PARD6G: variants seen among roughly 807,000 people sequenced by gnomAD.
PARD6G encodes the protein par-6 family cell polarity regulator gamma.
A neutral mutation model predicts 10.7 loss-of-function variants in PARD6G; 7 were observed. The observed-to-expected ratio is 0.66, with a 90% CI of 0.37 to 1.23. The LOEUF is 1.23. Among genes scored for constraint, PARD6G ranks in the 50% most tolerant of loss-of-function variants. The pLI is 0.02. For missense variants in PARD6G, 548 were observed against 571.8 expected, an observed-to-expected ratio of 0.96 and a Z score of 0.42; for synonymous variants, 287 against 269.4, an observed-to-expected ratio of 1.07 and a Z score of -0.64.
At chr18:80,160,709 G>A in intron 2 of PARD6G, 103 bp from the exon 3 acceptor site, 1 of 1,410,828 alleles carries the variant, frequency 7.1e-7, no homozygotes, top group Non-Finnish European at 9.2e-7. Flanking sequence ...TGACGCCGAA[G>A]CACCCAGGGT....
chr18:80,214,734 A>G (rs890157083), intron 1 of PARD6G, among the ~76,000 whole-genome samples: 4 of 152,182 alleles, frequency 2.6e-5, no homozygotes, highest in African/African-American at 9.6e-5. Context: ...GATACCATCA[A>G]ACAAATCTGG....
chr18:80,213,415 T>C (rs1967128180), intron 1 of PARD6G, among the ~76,000 whole-genome samples: 1 of 152,190 alleles, frequency 6.6e-6, no homozygotes, highest in African/African-American at 2.4e-5. Context: ...AGACTTGGAC[T>C]ACCAGAGTGT....
chr18:80,203,143 T>C (rs1001066567), intron 1 of PARD6G, among the ~76,000 whole-genome samples: 16 of 152,240 alleles, frequency 1.1e-4, no homozygotes, highest in African/African-American at 3.6e-4. Context: ...TAATACGATT[T>C]CTCTTCCTTT....
chr18:80,193,663 G>C (rs1434154425), intron 2 of PARD6G, among the ~76,000 whole-genome samples: 2 of 152,144 alleles, frequency 1.3e-5, no homozygotes, highest in Non-Finnish European at 2.9e-5. Context: ...TATTTTACCA[G>C]TATAAAAAGT....
At chr18:80,186,216 A>G (rs569101740) in intron 2 of PARD6G, among the ~76,000 whole-genome samples, 120 of 139,938 alleles carry the variant, frequency 8.6e-4, no homozygotes, top group African/African-American at 3.1e-3. Context: ...ACCCTCACAT[A>G]TGCTTGCACA....
Position 80,175,700 on chromosome 18 carries a change from G to T in PARD6G, c.296-15094C>A, listed in dbSNP as rs1568428711. Among the ~76,000 whole-genome samples, 1 of 152,070 alleles carries T rather than the reference G, an allele frequency of 6.6e-6. No homozygotes were observed. The highest frequency in any genetic ancestry group is 1.5e-5 in the Non-Finnish European group (1 of 68,016). On this transcript the variant is annotated intron_variant, in intron 2 of 2. Transcript: ENST00000353265. The surrounding 1 kb of genome is among the most constrained non-coding windows in gnomAD (Gnocchi z 6.7). ...ACAACCCTCGTTCCACCACCGCAGG[G>T]ACATTAGGTGTTTGGGCTTTTGCCA...
chr18:80,234,434 T>C (rs1275314220), intron 1 of PARD6G, among the ~76,000 whole-genome samples: 1 of 152,184 alleles, frequency 6.6e-6, no homozygotes, highest in African/African-American at 2.4e-5. Flanking sequence ...TGATTTTGAT[T>C]AATCCACAAA....
rs771259491 is a variant in PARD6G, at chr18:80,160,000, A to T, written c.902T>A (p.Val301Asp). 2 of 1,514,444 alleles carry T rather than the reference A, an allele frequency of 1.3e-6. No individual in the cohort carries two copies. The highest frequency in any genetic ancestry group is 2.2e-5 in the Admixed American group (1 of 44,628). 93.8% of individuals were successfully genotyped at this position (1,514,444 alleles called of 1,614,324 possible). ...AGGCTCCAGTGTGCCCTCGATGACGACGTCGTTGTCCTCATCGCTCTCCGC... is the reference window on the plus strand; with the variant it reads ...AGGCTCCAGTGTGCCCTCGATGACGTCGTCGTTGTCCTCATCGCTCTCCGC... The part of the protein sequence containing the change: ...DEAESDEDND[V>D]VIEGTLEPAR... The change falls in exon 3 of 3, where the codon GTC becomes GAC. Residue 301 changes from valine to aspartate, a missense_variant. Val to Asp is a radical substitution (Grantham distance 152). Around this residue, in one of 2 missense-constraint regions of PARD6G, gnomAD observed 313 missense variants for 279.9 expected, o/e 1.12. Transcript: ENST00000353265.
chr18:80,233,942 G>A (rs1010436918), intron 1 of PARD6G, among the ~76,000 whole-genome samples: 7 of 152,162 alleles, frequency 4.6e-5, no homozygotes, highest in African/African-American at 1.7e-4. Flanking sequence ...ACAGTGCTCT[G>A]ACGGCCCTCG....
Position 80,158,991 on chromosome 18 carries a change from A to AT in PARD6G, c.*779dup, listed in dbSNP as rs145797175. ...GTTGTACATGGACAGGTTTGGGTGT[A>AT]TTTTTTTTTTTTCCCGAGACAGAGT... On this transcript the variant is annotated 3_prime_UTR_variant, in exon 3 of 3. Transcript: ENST00000353265. The AT allele has an allele frequency of 6.3e-4, 93 of 147,122 alleles. No homozygotes were observed. The highest frequency in any genetic ancestry group is 3.5e-3 in the South Asian group (16 of 4,592). 9.1% of individuals were successfully genotyped at this position (147,122 alleles called of 1,614,324 possible).
chr18:80,214,156 G>A (rs1400547902), intron 1 of PARD6G, among the ~76,000 whole-genome samples: 1 of 151,496 alleles, frequency 6.6e-6, no homozygotes, highest in Non-Finnish European at 1.5e-5. Context: ...AGAACTAAGG[G>A]AATGTATAAG....
At position 80,208,639 on chromosome 18, in the gene PARD6G, T is replaced by G. The variant is rs571263046; in HGVS notation, c.73-5707A>C. Among the ~76,000 whole-genome samples the G allele has an allele frequency of 1.6e-4, 25 of 152,230 alleles. No homozygotes were observed. The South Asian group carries it at 2.9e-3, about 18-fold the overall frequency. On this transcript the variant is annotated intron_variant, in intron 1 of 2. Coordinates refer to ENST00000353265, the MANE Select transcript of PARD6G (RefSeq NM_032510.4). ...AATACTCAAGCCAGGCATGGTGGTA[T>G]ACACCTGTAGTCCCAGCTACTTGGA...
In PARD6G at chr18:80,225,144, C is replaced by T. The variant is rs747166178; in HGVS notation, c.72+22133G>A. On this transcript the variant is annotated intron_variant, in intron 1 of 2. Transcript: ENST00000353265. ...AACCATCCCCAAGGAACTGCGGCAC[C>T]GTTTCTCAGTCTACGCACGAAGCAG... is the stretch of plus-strand genomic sequence containing the variant. Among the ~76,000 whole-genome samples the T allele has an allele frequency of 9.2e-5, 14 of 152,300 alleles. No homozygotes were observed. In the East Asian group the frequency reaches 1.5e-3, roughly 17 times the overall value.
chr18:80,195,561 A>ATG (rs1459414638), intron 2 of PARD6G, among the ~76,000 whole-genome samples: 7 of 109,268 alleles, frequency 6.4e-5, no homozygotes, highest in African/African-American at 2.5e-4. Flanking sequence ...ATATATATAT[A>ATG]TATATATATA....
intron 2 of PARD6G, among the ~76,000 whole-genome samples, chr18:80,164,470 A>G (rs960239003): frequency 2.6e-4 from 40 of 152,200 alleles, no homozygotes; most frequent in African/African-American, 8.7e-4. Flanking sequence ...CCGGGTCCAC[A>G]CTGCTCTTCA....
At chr18:80,179,900 G>A (rs548622752) in intron 2 of PARD6G, among the ~76,000 whole-genome samples, 2 of 152,382 alleles carry the variant, frequency 1.3e-5, no homozygotes, top group African/African-American at 4.8e-5. Context: ...GCAATGGCCA[G>A]AGAATTGAAG....
At chr18:80,199,132 T>A (rs1329223908) in intron 2 of PARD6G, among the ~76,000 whole-genome samples, 1 of 152,236 alleles carries the variant, frequency 6.6e-6, no homozygotes, top group Non-Finnish European at 1.5e-5. Context: ...AAAGTTGACA[T>A]GGTCACTGAA....
At chr18:80,210,008 T>C (rs1417960713) in intron 1 of PARD6G, among the ~76,000 whole-genome samples, 1 of 152,186 alleles carries the variant, frequency 6.6e-6, no homozygotes, top group Admixed American at 6.5e-5. Flanking sequence ...TTGACCCTTT[T>C]CCTTCCAGAA....
At chr18:80,219,490 G>A (rs1306345485) in intron 1 of PARD6G, among the ~76,000 whole-genome samples, 2 of 152,102 alleles carry the variant, frequency 1.3e-5, no homozygotes, top group African/African-American at 2.4e-5. Context: ...GATTACAGGC[G>A]TGAGCCACTG....
Sources: gnomAD v4.1 joint callset for allele counts (sites outside exome capture counted in the v4.1 genomes callset) on GRCh38, gnomAD v4.1.1 for gene constraint, gnomAD v4.1.1 regional missense constraint, Gnocchi (gnomAD v3.1) non-coding constraint, MANE v1.5 for transcripts, NCBI Gene and HGNC (gene_info 2026-07-23, HGNC 2026-07-21) for gene names.